CD53: variants seen among roughly 807,000 people sequenced by gnomAD.
CD53 encodes the protein leukocyte surface antigen CD53.
A neutral mutation model predicts 27.3 loss-of-function variants in CD53; 20 were observed. The observed-to-expected ratio is 0.73, with a 90% CI of 0.52 to 1.07. CD53 has a LOEUF of 1.07. Ranked by LOEUF, CD53 falls within the 50% of genes least tolerant of loss-of-function variation. The pLI is 0.00. For synonymous variants in CD53, 106 were observed against 105.3 expected (o/e 1.01, Z -0.04); for missense variants, 216 against 264.0 (o/e 0.82, Z 1.26).
At chr1:110,879,051 T>C (rs903451632) in intron 1 of CD53, among the ~76,000 whole-genome samples, 2 of 152,184 alleles carry the variant, frequency 1.3e-5, no homozygotes, top group Non-Finnish European at 2.9e-5. Flanking sequence ...TTTTTACAAA[T>C]GGCACACGAA....
At chr1:110,897,669 C>T (rs752150685) in intron 6 of CD53, 140 bp from the exon 7 acceptor site, 100 of 496,310 alleles carry the variant, frequency 2.0e-4, no homozygotes, top group East Asian at 6.7e-4. Context: ...TCTTCATTCA[C>T]GCAAAGAAAA....
At chr1:110,879,920 T>A (rs1656287668) in intron 1 of CD53, among the ~76,000 whole-genome samples, 1 of 152,080 alleles carries the variant, frequency 6.6e-6, no homozygotes, top group Non-Finnish European at 1.5e-5. Context: ...TAAGCTTGAT[T>A]AAATTCAAGA....
At chr1:110,888,949 C>T (rs1424088732) in intron 1 of CD53, among the ~76,000 whole-genome samples, 1 of 152,112 alleles carries the variant, frequency 6.6e-6, no homozygotes, top group Admixed American at 6.5e-5. Flanking sequence ...TTGATCAACC[C>T]AGCTGCAAAT....
rs560128637 is a variant in CD53, at chr1:110,891,487, C to A, written c.63+16C>A. The A allele has an allele frequency of 2.3e-5, 37 of 1,603,830 alleles. No homozygotes were observed. The highest frequency in any genetic ancestry group is 2.2e-4 in the Admixed American group (13 of 60,010). On this transcript the variant is annotated intron_variant, in intron 2 of 7. Coordinates refer to ENST00000271324, the MANE Select transcript of CD53 (RefSeq NM_000560.4). Reference sequence around the variant, plus strand: ...GCTCTTTTGGGTAAGTGTATCTCTTCTGAGCACGGTTTAGCTCACCTTTAC... The same window carrying A: ...GCTCTTTTGGGTAAGTGTATCTCTTATGAGCACGGTTTAGCTCACCTTTAC...
At chr1:110,878,738 G>A (rs1367379044) in intron 1 of CD53, among the ~76,000 whole-genome samples, 1 of 152,094 alleles carries the variant, frequency 6.6e-6, no homozygotes, top group Non-Finnish European at 1.5e-5. Flanking sequence ...AACAATTTAT[G>A]CATCTTAAAG....
intron 1 of CD53, among the ~76,000 whole-genome samples, chr1:110,874,846 C>T (rs1180978811): frequency 1.3e-5 from 2 of 152,270 alleles, no homozygotes; most frequent in East Asian, 3.9e-4. Flanking sequence ...TCTGATTGAC[C>T]TCTGACTGCA....
In CD53 at chr1:110,880,078, ACAGTTAAGTG is replaced by A. The variant is rs1248642920; in HGVS notation, c.-18+6836_-18+6845del. On this transcript the variant is annotated intron_variant, in intron 1 of 7. Transcript: ENST00000271324. ...CCATGTTGAGTTGTGGAAGGTAGCC[ACAGTTAAGTG>A]CAGTTTGGTCACGCAGGTTTCCTGG... Among the ~76,000 whole-genome samples the A allele has an allele frequency of 5.3e-5, 8 of 152,344 alleles. No homozygotes were observed. The East Asian group carries it at 1.5e-3, about 29-fold the overall frequency.
At chr1:110,873,046 A>C (rs1388107623), upstream of CD53, 1 of 152,604 alleles carries the variant, frequency 6.6e-6, no homozygotes, top group African/African-American at 2.4e-5. Context: ...AATCTCTGAG[A>C]CTAAAGAGGG....
intron 1 of CD53, among the ~76,000 whole-genome samples, chr1:110,879,029 G>GTT (rs142641498): frequency 3.3e-5 from 5 of 151,772 alleles, no homozygotes; most frequent in Admixed American, 6.6e-5. Flanking sequence ...ATTTCTTTTT[G>GTT]TTTTTTTATT....
chr1:110,883,586 T>A (rs1656444021), intron 1 of CD53, among the ~76,000 whole-genome samples: 1 of 151,976 alleles, frequency 6.6e-6, no homozygotes, highest in South Asian at 2.1e-4. Context: ...TGTACCCTCC[T>A]TTTCTATTTT....
At chr1:110,886,290 T>C (rs1002593477) in intron 1 of CD53, among the ~76,000 whole-genome samples, 1 of 152,208 alleles carries the variant, frequency 6.6e-6, no homozygotes, top group African/African-American at 2.4e-5. Context: ...GATTTTCTTT[T>C]TATCACTGTT....
chr1:110,889,414 C>G (rs1000275003), intron 1 of CD53, among the ~76,000 whole-genome samples: 2 of 151,976 alleles, frequency 1.3e-5, no homozygotes, highest in Admixed American at 6.6e-5. Flanking sequence ...CAAAAATTAG[C>G]CGGGCGTGGT....
At chr1:110,891,159 T>C (rs1457577733) in intron 1 of CD53, among the ~76,000 whole-genome samples, 1 of 152,266 alleles carries the variant, frequency 6.6e-6, no homozygotes, top group Non-Finnish European at 1.5e-5. Context: ...CAATACTTAA[T>C]TCAATGTTAA....
At chr1:110,877,289 G>A (rs1656163711) in intron 1 of CD53, among the ~76,000 whole-genome samples, 1 of 152,128 alleles carries the variant, frequency 6.6e-6, no homozygotes, top group African/African-American at 2.4e-5. Context: ...ATTTTTGATA[G>A]GAATACCAAC....
chr1:110,886,488 C>T (rs983161532), intron 1 of CD53, among the ~76,000 whole-genome samples: 16 of 152,070 alleles, frequency 1.1e-4, no homozygotes, highest in African/African-American at 3.9e-4. Context: ...TTTAGAGACT[C>T]CAGTGACATG....
Position 110,899,429 on chromosome 1 carries a change from A to C in CD53, c.*234A>C, listed in dbSNP as rs1314443341. 2.3e-6 allele frequency: 1 copy of C among 432,550 alleles called. No homozygotes were observed. Among genetic ancestry groups the C allele is most frequent in the Non-Finnish European group, 4.2e-6 (1 of 237,730 alleles). 26.8% of individuals were successfully genotyped at this position (432,550 alleles called of 1,614,324 possible). A position where few individuals can be genotyped will look rare whatever the true frequency, so the allele number is the denominator to read the frequency against. ...GCAGCCATGTCTCTCAAAGTGGTGA[A>C]ACTAATATCTGAGCATCTTTTAGAC... On this transcript the variant is annotated 3_prime_UTR_variant, in exon 8 of 8. Transcript: ENST00000271324.
intron 1 of CD53, chr1:110,880,323 A>G (rs1320897324): frequency 6.6e-6 from 1 of 152,208 alleles, no homozygotes. Context: ...AGTAGTGACA[A>G]TCTTCACCAG....
upstream of CD53, among the ~76,000 whole-genome samples, chr1:110,872,457 C>T (rs1010036283): frequency 6.6e-6 from 1 of 152,198 alleles, no homozygotes; most frequent in Non-Finnish European, 1.5e-5. Context: ...CAGATTGAGA[C>T]TTGCTCAAGA....
chr1:110,873,901 C>G (rs1358745529), intron 1 of CD53, among the ~76,000 whole-genome samples: 1 of 152,178 alleles, frequency 6.6e-6, no homozygotes, highest in Non-Finnish European at 1.5e-5. Context: ...CCCAAATTAT[C>G]CTTGGTGTAC....
Sources: gnomAD v4.1 joint callset for allele counts (sites outside exome capture counted in the v4.1 genomes callset) on GRCh38, gnomAD v4.1.1 for gene constraint, MANE v1.5 for transcripts, NCBI Gene and HGNC (gene_info 2026-07-23, HGNC 2026-07-21) for gene names.